The following OR9Q1 variants were observed in gnomAD, a reference collection of about 807,000 sequenced individuals.
OR9Q1 encodes the protein olfactory receptor family 9 subfamily Q member 1, also known as olfactory receptor 9Q1.
For synonymous variants in OR9Q1, 153 were observed against 148.6 expected, an observed-to-expected ratio of 1.03 and a Z score of -0.22; for missense variants, 374 against 378.8, an observed-to-expected ratio of 0.99 and a Z score of 0.11.
At chr11:58,141,653 T>A (rs1230438238) in intron 2 of OR9Q1, among the ~76,000 whole-genome samples, 1 of 152,200 alleles carries the variant, frequency 6.6e-6, no homozygotes, top group East Asian at 1.9e-4. Flanking sequence ...GCATCAATGT[T>A]CGTCAGGGAT....
chr11:58,037,921 C>A (rs1296853822), intron 1 of OR9Q1, among the ~76,000 whole-genome samples: 24 of 140,100 alleles, frequency 1.7e-4, no homozygotes, highest in Admixed American at 1.6e-3. Flanking sequence ...TTAGTAGAGA[C>A]GGGGTTTTAC....
chr11:58,154,696 A>T (rs961065686), intron 2 of OR9Q1, among the ~76,000 whole-genome samples: 7 of 152,234 alleles, frequency 4.6e-5, no homozygotes, highest in African/African-American at 1.7e-4. Flanking sequence ...GTATGCATAC[A>T]CCAAAGTATC....
chr11:58,128,177 ATATAT>A (rs1158807599), intron 2 of OR9Q1, among the ~76,000 whole-genome samples: 3 of 147,382 alleles, frequency 2.0e-5, no homozygotes, highest in East Asian at 2.0e-4. Flanking sequence ...TAGAAAAATA[ATATAT>A]TAATAGAAAA....
chr11:58,042,413 C>T (rs1246557583), intron 1 of OR9Q1, among the ~76,000 whole-genome samples: 1 of 151,940 alleles, frequency 6.6e-6, no homozygotes, highest in African/African-American at 2.4e-5. Flanking sequence ...ATCCTTTCCC[C>T]ATTGCTTGTT....
chr11:58,048,536 C>T (rs371775232), intron 1 of OR9Q1, among the ~76,000 whole-genome samples: 1 of 150,930 alleles, frequency 6.6e-6, no homozygotes, highest in African/African-American at 2.4e-5. Flanking sequence ...GTGGCACATG[C>T]TGTAGCCCCA....
intron 2 of OR9Q1, among the ~76,000 whole-genome samples, chr11:58,175,931 A>G (rs1464688055): frequency 1.3e-5 from 2 of 152,178 alleles, no homozygotes; most frequent in Admixed American, 1.3e-4. Context: ...AGCTATGCCA[A>G]TAAGACAAAC....
intron 2 of OR9Q1, chr11:58,078,735 G>A (rs911327535): frequency 2.6e-5 from 4 of 152,178 alleles, no homozygotes; most frequent in Non-Finnish European, 5.9e-5. Context: ...GAAAGTAAAT[G>A]GTTGCCCTCT....
chr11:58,069,281 ACTGT>A (rs1853463423), intron 2 of OR9Q1, among the ~76,000 whole-genome samples: 1 of 152,052 alleles, frequency 6.6e-6, no homozygotes, highest in South Asian at 2.1e-4. Context: ...TAGCCTCTAA[ACTGT>A]CTGGGAGGCC....
At chr11:58,159,641 T>G (rs956405768) in intron 2 of OR9Q1, among the ~76,000 whole-genome samples, 3 of 152,286 alleles carry the variant, frequency 2.0e-5, no homozygotes, top group Non-Finnish European at 2.9e-5. Context: ...TGTGAAGAAT[T>G]GACAAAAGAG....
chr11:58,109,739 C>T (rs886890946), intron 2 of OR9Q1: 18 of 368,590 alleles, frequency 4.9e-5, no homozygotes, highest in African/African-American at 1.9e-4. Context: ...CTTTCTTCAG[C>T]GTCAGATGTT....
At chr11:58,114,052 T>C (rs1460664541) in intron 2 of OR9Q1, among the ~76,000 whole-genome samples, 1 of 152,042 alleles carries the variant, frequency 6.6e-6, no homozygotes, top group African/African-American at 2.4e-5. Flanking sequence ...AATCACCAAA[T>C]CTTCTTCTGG....
chr11:58,146,870 A>G (rs1847646849), intron 2 of OR9Q1, among the ~76,000 whole-genome samples: 1 of 152,214 alleles, frequency 6.6e-6, no homozygotes, highest in South Asian at 2.1e-4. Flanking sequence ...TTAGTGTGAG[A>G]TGCAACTGGC....
At chr11:58,153,329 C>T (rs1394957318) in intron 2 of OR9Q1, among the ~76,000 whole-genome samples, 1 of 152,086 alleles carries the variant, frequency 6.6e-6, no homozygotes. Flanking sequence ...AGAAACTGTT[C>T]AAAGAGGGGA....
At chr11:58,114,157 T>C (rs1474727444) in intron 2 of OR9Q1, among the ~76,000 whole-genome samples, 1 of 152,158 alleles carries the variant, frequency 6.6e-6, no homozygotes, top group Non-Finnish European at 1.5e-5. Context: ...CATTGCTGGG[T>C]AAAATTCAGA....
At chr11:58,053,380 T>C (rs1168433107) in intron 1 of OR9Q1, among the ~76,000 whole-genome samples, 2 of 135,604 alleles carry the variant, frequency 1.5e-5, no homozygotes, top group Admixed American at 8.6e-5. Flanking sequence ...TTCTCACTCA[T>C]AGGTGGGAAT....
At chr11:58,047,717 CAAAAA>C (rs67113314) in intron 1 of OR9Q1, among the ~76,000 whole-genome samples, 4 of 144,110 alleles carry the variant, frequency 2.8e-5, no homozygotes, top group African/African-American at 2.6e-5. Flanking sequence ...ACTAATGATA[CAAAAA>C]AAAAAAAAAA....
At chr11:58,178,074 C>T (rs1027042133) in intron 2 of OR9Q1, among the ~76,000 whole-genome samples, 6 of 151,990 alleles carry the variant, frequency 3.9e-5, no homozygotes, top group Non-Finnish European at 5.9e-5. Flanking sequence ...TGGAGAGAAG[C>T]GTGAGAGGGT....
intron 2 of OR9Q1, among the ~76,000 whole-genome samples, chr11:58,120,720 C>T (rs1854021351): frequency 6.6e-6 from 1 of 150,646 alleles, no homozygotes; most frequent in Non-Finnish European, 1.5e-5. Context: ...ATTTTCTGTA[C>T]TGAAACATAA....
intron 2 of OR9Q1, among the ~76,000 whole-genome samples, chr11:58,160,951 C>G (rs1854451409): frequency 6.6e-6 from 1 of 152,158 alleles, no homozygotes; most frequent in South Asian, 2.1e-4. Context: ...CTCCTGGGAA[C>G]TTGGAAGTGA....
Sources: gnomAD v4.1 joint callset for allele counts (sites outside exome capture counted in the v4.1 genomes callset) on GRCh38, gnomAD v4.1.1 for gene constraint, MANE v1.5 for transcripts, NCBI Gene and HGNC (gene_info 2026-07-23, HGNC 2026-07-21) for gene names.